The following NRK variants were observed in gnomAD, a reference collection of about 807,000 sequenced individuals.
NRK encodes Nik related kinase.
A neutral mutation model predicts 125.2 loss-of-function variants in NRK; 67 were observed. That is an observed-to-expected ratio of 0.54 (90% CI 0.44 to 0.66). NRK has a LOEUF of 0.66. NRK is among the 30% of genes least tolerant of loss of function. The pLI, the probability that NRK is intolerant of heterozygous loss-of-function variation, is 0.00. For missense variants in NRK, 1,224 were observed against 1,192.9 expected (o/e 1.03, Z -0.38); for synonymous variants, 458 against 429.0 (o/e 1.07, Z -0.84).
chrX:105,935,032 G>A, intron 20 of NRK, 138 bp from the exon 21 acceptor site: 1 of 448,392 alleles, frequency 2.2e-6, no homozygotes, highest in Non-Finnish European at 3.8e-6. Context: ...AGCATATAAG[G>A]TGTACAGAGG....
intron 19 of NRK, among the ~76,000 whole-genome samples, chrX:105,932,475 T>G (rs2040607647): frequency 8.9e-6 from 1 of 112,739 alleles, no homozygotes; most frequent in African/African-American, 3.2e-5. Context: ...AAACATTTAT[T>G]GACTTTATAA....
chrX:105,908,313 A>T lies in NRK; in HGVS notation c.1085+10A>T, dbSNP rs774745565. ...CCGTGAGAAGATTCAGGTGCGTTCC[A>T]CAAATTGCATATATAATTTGATGAT... On this transcript the variant is annotated intron_variant, in intron 12 of 28. Transcript: ENST00000243300. 2.2e-6 allele frequency: 2 copies of T among 919,786 alleles called. No individual in the cohort carries two copies. 75.8% of individuals were successfully genotyped at this position (919,786 alleles called of 1,213,427 possible).
intron 23 of NRK, among the ~76,000 whole-genome samples, chrX:105,941,297 A>C (rs1602697788): frequency 9.0e-6 from 1 of 110,976 alleles, no homozygotes; most frequent in East Asian, 2.8e-4. Flanking sequence ...CATTTGTCCC[A>C]CTGACAGGTG....
At chrX:105,952,096 C>G (rs917328422) in intron 27 of NRK, among the ~76,000 whole-genome samples, 1 of 111,663 alleles carries the variant, frequency 9.0e-6, no homozygotes, top group Non-Finnish European at 1.9e-5. Context: ...CAACTTATTC[C>G]TTTTATAATA....
At chrX:105,887,462 C>T (rs754574150) in intron 4 of NRK, among the ~76,000 whole-genome samples, 1 of 111,779 alleles carries the variant, frequency 8.9e-6, no homozygotes, top group African/African-American at 3.2e-5. Flanking sequence ...AGTGGAACCC[C>T]TGCATACATT....
Position 105,909,363 on chromosome X carries a change from G to A in NRK, c.1722G>A (p.Glu574=). 1 of 1,206,731 alleles carries A rather than the reference G, an allele frequency of 8.3e-7. No homozygotes were observed. The highest frequency in any genetic ancestry group is 1.1e-6 in the Non-Finnish European group (1 of 892,466). ...QAAEPAQAET[E]AEEPESLRVN... ...CCGAGCCTGCACAGGCAGAGACTGAGGCAGAGGAACCTGAGTCATTACGAG... is the reference window on the plus strand; with the variant it reads ...CCGAGCCTGCACAGGCAGAGACTGAAGCAGAGGAACCTGAGTCATTACGAG... The change falls in exon 13 of 29, where the codon GAG becomes GAA. Residue 574 remains glutamate (E), a synonymous_variant. Transcript: ENST00000243300.
intron 16 of NRK, among the ~76,000 whole-genome samples, chrX:105,920,851 G>A (rs1481136632): frequency 2.0e-5 from 2 of 101,265 alleles, no homozygotes; most frequent in African/African-American, 7.2e-5. Flanking sequence ...GAGAGGATGT[G>A]GAGAAATAGG....
chrX:105,822,117 A>G (rs2039027631), upstream of NRK, among the ~76,000 whole-genome samples: 1 of 112,690 alleles, frequency 8.9e-6, no homozygotes, highest in South Asian at 3.6e-4. Flanking sequence ...AAAACAGCCA[A>G]CTAGAAAAGT....
chrX:105,947,197 AC>A (rs2040825196), intron 26 of NRK, among the ~76,000 whole-genome samples: 2 of 57,491 alleles, frequency 3.5e-5, no homozygotes, highest in African/African-American at 1.8e-4. Flanking sequence ...TAATCCCAGC[AC>A]TTTGGGAGGC....
chrX:105,921,220 C>T (rs778440158), intron 16 of NRK, among the ~76,000 whole-genome samples: 15 of 106,612 alleles, frequency 1.4e-4, no homozygotes, highest in African/African-American at 5.1e-4. Flanking sequence ...TCTCAGTAAA[C>T]TATCACAAGA....
intron 22 of NRK, among the ~76,000 whole-genome samples, chrX:105,939,101 A>G (rs1159852571): frequency 8.9e-6 from 1 of 111,874 alleles, no homozygotes; most frequent in Non-Finnish European, 1.9e-5. Context: ...ACCATATCAC[A>G]TAGATGTAGA....
At chrX:105,896,959 A>G (rs1284388590) in intron 7 of NRK, among the ~76,000 whole-genome samples, 2 of 112,855 alleles carry the variant, frequency 1.8e-5, no homozygotes, top group Non-Finnish European at 1.9e-5. Context: ...GTGTTCGCAT[A>G]TAGAGCAACA....
At chrX:105,916,525 A>G (rs1000065932) in intron 15 of NRK, among the ~76,000 whole-genome samples, 47 of 111,713 alleles carry the variant, frequency 4.2e-4, no homozygotes, top group African/African-American at 1.4e-3. Flanking sequence ...AAGATATTGG[A>G]CAGTATGGCC....
At chrX:105,837,998 G>T (rs1378465648) in intron 2 of NRK, among the ~76,000 whole-genome samples, 1 of 110,787 alleles carries the variant, frequency 9.0e-6, no homozygotes. Flanking sequence ...TGACTTTCTG[G>T]GCCCATTTCT....
At chrX:105,826,942 C>T (rs894214176) in intron 1 of NRK, among the ~76,000 whole-genome samples, 1 of 111,633 alleles carries the variant, frequency 9.0e-6, no homozygotes, top group Non-Finnish European at 1.9e-5. Context: ...TATGGTAGTG[C>T]ACAAGAACAG....
chrX:105,950,992 A>C (rs1336139382), intron 27 of NRK, among the ~76,000 whole-genome samples: 1 of 108,611 alleles, frequency 9.2e-6, no homozygotes, highest in Admixed American at 9.9e-5. Flanking sequence ...TTTGCATTGC[A>C]TCTGCAGAAT....
At chrX:105,832,530 T>C (rs1003960037) in intron 2 of NRK, among the ~76,000 whole-genome samples, 2 of 111,595 alleles carry the variant, frequency 1.8e-5, no homozygotes, top group Non-Finnish European at 3.8e-5. Context: ...AGCAGACTGA[T>C]CACAGGTCCT....
At chrX:105,873,463 G>A (rs2039774016) in intron 2 of NRK, among the ~76,000 whole-genome samples, 1 of 111,134 alleles carries the variant, frequency 9.0e-6, no homozygotes, top group Non-Finnish European at 1.9e-5. Context: ...CTTTGCATCA[G>A]ACCATTAAAT....
At chrX:105,938,593 C>T (rs1315852681) in intron 22 of NRK, among the ~76,000 whole-genome samples, 4 of 111,511 alleles carry the variant, frequency 3.6e-5, no homozygotes, top group Non-Finnish European at 7.5e-5. Flanking sequence ...ACTTTTTATC[C>T]AACTTCCTCT....
Sources: gnomAD v4.1 joint callset for allele counts (sites outside exome capture counted in the v4.1 genomes callset) on GRCh38, gnomAD v4.1.1 for gene constraint, MANE v1.5 for transcripts, NCBI Gene and HGNC (gene_info 2026-07-23, HGNC 2026-07-21) for gene names.